The following DPYD variants were observed in gnomAD, a reference collection of about 807,000 sequenced individuals.
DPYD encodes the protein dihydropyrimidine dehydrogenase.
A neutral mutation model predicts 116.2 loss-of-function variants in DPYD; 109 were observed. That is an observed-to-expected ratio of 0.94 (90% CI 0.80 to 1.10). DPYD has a LOEUF of 1.10. DPYD is among the 50% of genes least tolerant of loss of function. DPYD has a pLI of 0.00. For synonymous variants in DPYD, 440 were observed against 432.0 expected (o/e 1.02, Z -0.23); for missense variants, 1,302 against 1,254.5 (o/e 1.04, Z -0.57).
At chr1:97,172,158 G>A (rs780468087) in intron 20 of DPYD, among the ~76,000 whole-genome samples, 30 of 152,190 alleles carry the variant, frequency 2.0e-4, no homozygotes, top group Non-Finnish European at 2.9e-4. Context: ...GTAGGCATCG[G>A]TGATGGTGTT....
At chr1:97,691,826 G>T in intron 6 of DPYD, 28 bp from the exon 7 acceptor site, 1 of 1,589,200 alleles carries the variant, frequency 6.3e-7, no homozygotes, top group Non-Finnish European at 8.6e-7. Context: ...AGAAAAACAG[G>T]CATCAGTAGA....
intron 11 of DPYD, among the ~76,000 whole-genome samples, chr1:97,553,460 C>A (rs1651472487): frequency 1.3e-5 from 2 of 152,008 alleles, no homozygotes; most frequent in African/African-American, 4.8e-5. Flanking sequence ...CCTCAGAGCT[C>A]TTTTACATCT....
intron 13 of DPYD, among the ~76,000 whole-genome samples, chr1:97,465,283 C>G (rs1481225716): frequency 6.6e-6 from 1 of 151,994 alleles, no homozygotes; most frequent in Non-Finnish European, 1.5e-5. Flanking sequence ...AAGTAACTTG[C>G]CTTGTATTGG....
chr1:97,141,116 T>C (rs1471148070), intron 20 of DPYD, among the ~76,000 whole-genome samples: 4 of 152,088 alleles, frequency 2.6e-5, no homozygotes, highest in African/African-American at 9.7e-5. Flanking sequence ...GTACTGAAGA[T>C]GTATAGTGAT....
intron 20 of DPYD, among the ~76,000 whole-genome samples, chr1:97,180,414 T>C (rs1337032270): frequency 6.6e-6 from 1 of 152,110 alleles, no homozygotes; most frequent in Non-Finnish European, 1.5e-5. Context: ...TGCAGAGAGG[T>C]ATTTTCTTTA....
In DPYD at chr1:97,674,286, T is replaced by C. The variant is rs576423603; in HGVS notation, c.850+4809A>G. Among the ~76,000 whole-genome samples, 5 of 152,338 alleles carry C rather than the reference T, an allele frequency of 3.3e-5. No homozygotes were observed. In the South Asian group the frequency reaches 8.3e-4, roughly 25 times the overall value. On this transcript the variant is annotated intron_variant, in intron 8 of 22. Coordinates refer to ENST00000370192, the MANE Select transcript of DPYD (RefSeq NM_000110.4). ...TATTCATCTCTACAACACCTTCCTG[T>C]AGTTCCTGTTTCGTAGTGTCTACTG...
chr1:97,886,485 T>TA (rs1379066295), intron 1 of DPYD, among the ~76,000 whole-genome samples: 1 of 152,054 alleles, frequency 6.6e-6, no homozygotes, highest in African/African-American at 2.4e-5. Flanking sequence ...TCACCTCACT[T>TA]ACTGGGTAGA....
At chr1:97,188,685 T>C (rs1389204652) in intron 20 of DPYD, among the ~76,000 whole-genome samples, 1 of 152,158 alleles carries the variant, frequency 6.6e-6, no homozygotes, top group Non-Finnish European at 1.5e-5. Flanking sequence ...AGAAGTGACA[T>C]TTAAGATAGA....
intron 18 of DPYD, among the ~76,000 whole-genome samples, chr1:97,283,032 A>C (rs1233008269): frequency 6.6e-6 from 1 of 152,112 alleles, no homozygotes; most frequent in African/African-American, 2.4e-5. Flanking sequence ...ACATGTATGC[A>C]TGTGTCTTTA....
At chr1:97,872,017 A>G (rs1307639802) in intron 2 of DPYD, among the ~76,000 whole-genome samples, 5 of 152,006 alleles carry the variant, frequency 3.3e-5, no homozygotes, top group African/African-American at 7.2e-5. Flanking sequence ...AAATGGAGAC[A>G]GTAATGGAAT....
chr1:97,358,605 A>C (rs1241744727), intron 16 of DPYD, among the ~76,000 whole-genome samples: 1 of 152,140 alleles, frequency 6.6e-6, no homozygotes, highest in African/African-American at 2.4e-5. Flanking sequence ...AAGCTTCCAG[A>C]GGAAGGATCA....
intron 16 of DPYD, among the ~76,000 whole-genome samples, chr1:97,315,721 C>T (rs1204862222): frequency 6.6e-6 from 1 of 151,978 alleles, no homozygotes; most frequent in African/African-American, 2.4e-5. Flanking sequence ...TCTCAAATTT[C>T]TTCTGAATTC....
chr1:97,612,134 G>C (rs1250076690), intron 8 of DPYD, among the ~76,000 whole-genome samples: 1 of 151,910 alleles, frequency 6.6e-6, no homozygotes, highest in Non-Finnish European at 1.5e-5. Flanking sequence ...TAAAAGTAGA[G>C]AGGGCAAAAT....
intron 16 of DPYD, among the ~76,000 whole-genome samples, chr1:97,359,641 T>TG (rs1433265750): frequency 2.0e-5 from 3 of 152,004 alleles, no homozygotes; most frequent in African/African-American, 4.8e-5. Flanking sequence ...CAGAAGAGAG[T>TG]GGGGGCCAAT....
intron 12 of DPYD, among the ~76,000 whole-genome samples, chr1:97,517,009 T>C (rs2101979767): frequency 6.6e-6 from 1 of 152,252 alleles, no homozygotes. Context: ...ACTTTAATTT[T>C]ATAGGAGTGT....
chr1:97,905,453 T>C (rs563381208), intron 1 of DPYD, among the ~76,000 whole-genome samples: 31 of 152,058 alleles, frequency 2.0e-4, no homozygotes, highest in Non-Finnish European at 4.3e-4. Context: ...ATACAGACTT[T>C]AAAGAAAAGA....
chr1:97,416,164 CAT>C, intron 14 of DPYD, among the ~76,000 whole-genome samples: 1 of 152,250 alleles, frequency 6.6e-6, no homozygotes, highest in Admixed American at 6.5e-5. Flanking sequence ...CTGGAAAAAA[CAT>C]GTCATAATAT....
chr1:97,246,315 G>C (rs538962659), intron 18 of DPYD, among the ~76,000 whole-genome samples: 1 of 152,106 alleles, frequency 6.6e-6, no homozygotes, highest in Non-Finnish European at 1.5e-5. Flanking sequence ...ATAAGGCTGG[G>C]TCAATGAGAT....
Position 97,323,418 on chromosome 1 carries a change from A to ATG in DPYD, c.2059-17122_2059-17121insCA, listed in dbSNP as rs1558030072. Reference sequence around the variant, plus strand: ...TATACATATGTGTATATGTACACGTATATATACATATGTGTATATGTACAC... The same window carrying ATG: ...TATACATATGTGTATATGTACACGTATGTATATACATATGTGTATATGTACAC... On this transcript the variant is annotated intron_variant, in intron 16 of 22. Transcript: ENST00000370192. Among the ~76,000 whole-genome samples the ATG allele has an allele frequency of 1.4e-3, 122 of 88,350 alleles. 8 individuals carry two copies. The highest frequency in any genetic ancestry group is 2.4e-3 in the African/African-American group (71 of 29,150). The allele number at this position is 88,350 out of a possible 152,430, so 58.0% of individuals were successfully genotyped here.
Sources: allele counts gnomAD v4.1 joint callset (sites outside exome capture counted in the v4.1 genomes callset), GRCh38; gene constraint gnomAD v4.1.1; transcripts MANE v1.5; gene names NCBI Gene and HGNC (gene_info 2026-07-23, HGNC 2026-07-21).